The following ABCG1 variants were observed in gnomAD, a reference collection of about 807,000 sequenced individuals.
ABCG1 encodes the protein ATP binding cassette subfamily G member 1.
Under a neutral mutation model 69.2 loss-of-function variants are expected in ABCG1, and 29 were observed. The observed-to-expected ratio is 0.42, with a 90% CI of 0.31 to 0.57. ABCG1 has a LOEUF of 0.57. ABCG1 is among the 20% of genes least tolerant of loss of function. ABCG1 has a pLI of 0.15. For synonymous variants in ABCG1, 370 were observed against 374.8 expected (o/e 0.99, Z 0.15); for missense variants, 718 against 898.1 (o/e 0.80, Z 2.56).
At position 42,284,432 on chromosome 21, in the gene ABCG1, G is replaced by C. The variant is rs538529282; in HGVS notation, c.735-128G>C. 15 of 1,165,264 alleles carry C rather than the reference G, an allele frequency of 1.3e-5. No homozygotes were observed. The South Asian group carries it at 1.7e-4, about 13-fold the overall frequency. 72.2% of individuals were successfully genotyped at this position (1,165,264 alleles called of 1,614,324 possible). ...GCAAGAGCAGAGCCCGGCCTGGGACGGGGCAGCTGCAGCTGCAGCCCCTGA... is the reference window on the plus strand; with the variant it reads ...GCAAGAGCAGAGCCCGGCCTGGGACCGGGCAGCTGCAGCTGCAGCCCCTGA... On this transcript the variant is annotated intron_variant, in intron 6 of 14. Coordinates refer to ENST00000398449, the MANE Select transcript of ABCG1 (RefSeq NM_016818.3).
chr21:42,283,385 C>T (rs929258025), intron 6 of ABCG1, among the ~76,000 whole-genome samples: 1 of 152,156 alleles, frequency 6.6e-6, no homozygotes, highest in African/African-American at 2.4e-5. Flanking sequence ...CACACACTGT[C>T]CCCCGGGCCT....
intron 2 of ABCG1, among the ~76,000 whole-genome samples, chr21:42,264,511 A>ATCTG (rs1249991981): frequency 1.3e-5 from 2 of 151,856 alleles, no homozygotes; most frequent in African/African-American, 2.4e-5. Flanking sequence ...CCATTCATCC[A>ATCTG]TTCATCCATC....
At chr21:42,266,764 G>C (rs2068512631) in intron 2 of ABCG1, among the ~76,000 whole-genome samples, 1 of 152,118 alleles carries the variant, frequency 6.6e-6, no homozygotes, top group African/African-American at 2.4e-5. Flanking sequence ...GGGTAATTAA[G>C]ACTACACTAG....
chr21:42,220,325 C>A (rs1178773575), intron 1 of ABCG1, among the ~76,000 whole-genome samples: 1 of 152,210 alleles, frequency 6.6e-6, no homozygotes, highest in Non-Finnish European at 1.5e-5. Context: ...GCTCACCCCG[C>A]CCCTCCCCTG....
intron 5 of ABCG1, 76 bp downstream of exon 5, chr21:42,277,021 C>T (rs2068724194): frequency 6.7e-7 from 1 of 1,487,184 alleles, no homozygotes; most frequent in Non-Finnish European, 9.4e-7. Context: ...CCTGCCGGGG[C>T]ATTTTGGCAT....
At chr21:42,216,898 C>G (rs1427252267), upstream of ABCG1, among the ~76,000 whole-genome samples, 1 of 152,220 alleles carries the variant, frequency 6.6e-6, no homozygotes, top group Non-Finnish European at 1.5e-5. Flanking sequence ...AAGTGCTTGC[C>G]ATGCCTTATT....
chr21:42,259,328 T>C (rs915841), intron 2 of ABCG1: 259,209 of 1,546,928 alleles, frequency 0.17, 24,163 homozygotes, highest in African/African-American at 0.39. Flanking sequence ...CAGCCGTGCA[T>C]GTACAGGTGG....
intron 2 of ABCG1, chr21:42,260,052 G>A: frequency 1.3e-6 from 2 of 1,550,570 alleles, no homozygotes; most frequent in Non-Finnish European, 1.7e-6. Context: ...CCTGGGGGTG[G>A]TCGCTATCAG....
chr21:42,232,645 C>G (rs777297797), intron 2 of ABCG1, among the ~76,000 whole-genome samples: 1 of 152,198 alleles, frequency 6.6e-6, no homozygotes, highest in African/African-American at 2.4e-5. Flanking sequence ...TTACCACAAT[C>G]GTTTTCACCT....
chr21:42,228,494 A>T (rs1206028373), intron 2 of ABCG1, among the ~76,000 whole-genome samples: 1 of 152,114 alleles, frequency 6.6e-6, no homozygotes, highest in African/African-American at 2.4e-5. Context: ...TTCAGAGTCT[A>T]GATGGTTTAT....
chr21:42,245,904 G>A (rs887742816), intron 2 of ABCG1, among the ~76,000 whole-genome samples: 1 of 152,262 alleles, frequency 6.6e-6, no homozygotes, highest in Non-Finnish European at 1.5e-5. Flanking sequence ...GCACCAGGCA[G>A]CAGAAAGTGC....
At chr21:42,211,591 G>T (rs904596540), upstream of ABCG1, among the ~76,000 whole-genome samples, 2 of 151,862 alleles carry the variant, frequency 1.3e-5, no homozygotes, top group Non-Finnish European at 2.9e-5. Flanking sequence ...TAAGAGATGC[G>T]ATCCTGGGCC....
At chr21:42,267,120 G>A (rs1307334419) in intron 2 of ABCG1, among the ~76,000 whole-genome samples, 1 of 152,216 alleles carries the variant, frequency 6.6e-6, no homozygotes, top group Non-Finnish European at 1.5e-5. Flanking sequence ...CAGGGAAAGG[G>A]GGAAACAGAC....
rs778314276 is a variant in ABCG1 at position 42,288,132 on chromosome 21, A to G, written c.1123-79A>G. On this transcript the variant is annotated intron_variant, in intron 9 of 14. Transcript: ENST00000398449. This position sits in a 1 kb window ranked among gnomAD's most constrained non-coding sequence, Gnocchi z 4.8. ...TGCACGTGGCACCGTGCACTGCTGC[A>G]TGAGAGCTCTTTCCGAGCAAGAAGG... is the stretch of plus-strand genomic sequence containing the variant. 14 of 1,611,818 alleles carry G rather than the reference A, an allele frequency of 8.7e-6. No homozygotes were observed. Among genetic ancestry groups the G allele is most frequent in the Non-Finnish European group, 1.1e-5 (13 of 1,178,020 alleles).
chr21:42,212,918 C>T (rs2067603845), upstream of ABCG1, among the ~76,000 whole-genome samples: 1 of 152,130 alleles, frequency 6.6e-6, no homozygotes, highest in Non-Finnish European at 1.5e-5. Flanking sequence ...TGGTCTCGAT[C>T]TCCTGACCTC....
At chr21:42,260,726 A>C (rs1466427031) in intron 2 of ABCG1, among the ~76,000 whole-genome samples, 4 of 152,138 alleles carry the variant, frequency 2.6e-5, no homozygotes, top group African/African-American at 9.7e-5. Flanking sequence ...GCATCCCAGA[A>C]ACTGAACAAG....
chr21:42,296,104 C>A lies in ABCG1; in HGVS notation c.1773-60C>A. The A allele has an allele frequency of 6.8e-7, 1 of 1,463,254 alleles. No homozygotes were observed. Among genetic ancestry groups the A allele is most frequent in the Non-Finnish European group, 9.6e-7 (1 of 1,043,878 alleles). 90.6% of individuals were successfully genotyped at this position (1,463,254 alleles called of 1,614,324 possible). A position where few individuals can be genotyped will look rare whatever the true frequency, so the allele number is the denominator to read the frequency against. ...AGGGAGGGTGAACGACATTGACCTT[C>A]AGCCAACGGCGTGGCTGGCTGGGAG... is the stretch of plus-strand genomic sequence containing the variant. On this transcript the variant is annotated intron_variant, in intron 14 of 14. Transcript: ENST00000398449. The surrounding 1 kb of genome is among the most constrained non-coding windows in gnomAD (Gnocchi z 5.4).
At position 42,273,538 on chromosome 21, in the gene ABCG1, G is replaced by A; in HGVS notation, c.537+103G>A. ...AGTGCCCAGCTGCGAGGGACCCAAG[G>A]GCTCTGCCACGCGGCCTGCACAGGG... On this transcript the variant is annotated intron_variant, in intron 4 of 14. Transcript: ENST00000398449. The surrounding 1 kb of genome is among the most constrained non-coding windows in gnomAD (Gnocchi z 5.3). The A allele has an allele frequency of 7.1e-7, 1 of 1,403,700 alleles. No individual in the cohort carries two copies. Among genetic ancestry groups the A allele is most frequent in the Admixed American group, 2.2e-5 (1 of 44,528 alleles). The allele number at this position is 1,403,700 out of a possible 1,614,324, so 87.0% of individuals were successfully genotyped here.
intron 3 of ABCG1, among the ~76,000 whole-genome samples, chr21:42,271,644 G>T (rs147636816): frequency 6.6e-6 from 1 of 152,210 alleles, no homozygotes; most frequent in Non-Finnish European, 1.5e-5. Flanking sequence ...CACTTTGGGA[G>T]GCCGAGGTGG....
Sources: gnomAD v4.1 joint callset for allele counts (sites outside exome capture counted in the v4.1 genomes callset) on GRCh38, gnomAD v4.1.1 for gene constraint, Gnocchi (gnomAD v3.1) non-coding constraint, MANE v1.5 for transcripts, NCBI Gene and HGNC (gene_info 2026-07-23, HGNC 2026-07-21) for gene names.